The following TANGO2 variants were observed in gnomAD, a reference collection of about 807,000 sequenced individuals.
The protein encoded by TANGO2 is transport and golgi organization 2 homolog.
A neutral mutation model predicts 39.1 loss-of-function variants in TANGO2; 26 were observed. That is an observed-to-expected ratio of 0.67 (90% CI 0.49 to 0.92). The LOEUF is 0.92. TANGO2 is among the 40% of genes least tolerant of loss of function. TANGO2 has a pLI of 0.00. For synonymous variants in TANGO2, 131 were observed against 144.5 expected (o/e 0.91, Z 0.67); for missense variants, 326 against 360.1 (o/e 0.91, Z 0.77).
At position 20,056,204 on chromosome 22, in the gene TANGO2, AC is replaced by A. The variant is rs201125929; in HGVS notation, c.451+196del. 1,424 of 698,982 alleles carry A rather than the reference AC, an allele frequency of 2.0e-3. 14 individuals are homozygous for A. In the African/African-American group the frequency reaches 0.021, roughly 10 times the overall value. The allele number at this position is 698,982 out of a possible 1,614,324, so 43.3% of individuals were successfully genotyped here. A position where few individuals can be genotyped will look rare whatever the true frequency, so the allele number is the denominator to read the frequency against. On this transcript the variant is annotated intron_variant, in intron 6 of 8. Coordinates refer to ENST00000327374, the MANE Select transcript of TANGO2 (RefSeq NM_152906.7). The stretch of plus-strand genomic sequence containing the variant: ...TTCAGAGAGCCCTGGCTCCCTGCTC[AC>A]CCCCTCCCCATGGGCTTTTCCTGCT...
intron 2 of TANGO2, 181 bp downstream of exon 2, chr22:20,037,035 G>A (rs377653281): frequency 6.4e-7 from 1 of 1,559,120 alleles, no homozygotes; most frequent in Non-Finnish European, 8.7e-7. Context: ...TGCCTCTCGG[G>A]GCGGGGACTC....
rs539888853 is a variant in TANGO2, at chr22:20,053,223, T to A, written c.266-214T>A. 9.3e-5 allele frequency: 46 copies of A among 496,584 alleles called. 1 individual carries two copies. The highest frequency in any genetic ancestry group is 1.1e-3 in the Middle Eastern group (2 of 1,796). The allele number at this position is 496,584 out of a possible 1,614,324, so 30.8% of individuals were successfully genotyped here. On this transcript the variant is annotated intron_variant, in intron 4 of 8. Coordinates refer to ENST00000327374, the MANE Select transcript of TANGO2 (RefSeq NM_152906.7). ...CCATAGGAAGACATAGTGGGGAAATTTTTTTTTTAATAAAATGAGCAGTTT... is the reference window on the plus strand; with the variant it reads ...CCATAGGAAGACATAGTGGGGAAATATTTTTTTTAATAAAATGAGCAGTTT...
chr22:20,019,591 C>T (rs926130929), upstream of TANGO2, among the ~76,000 whole-genome samples: 1 of 152,248 alleles, frequency 6.6e-6, no homozygotes, highest in East Asian at 1.9e-4. Flanking sequence ...CATGTTACTG[C>T]ATCCCTCTTT....
At chr22:20,022,421 G>T (rs368942719) in intron 1 of TANGO2, among the ~76,000 whole-genome samples, 18 of 152,168 alleles carry the variant, frequency 1.2e-4, no homozygotes, top group African/African-American at 4.1e-4. Flanking sequence ...AGGGTAGGGT[G>T]CCCTGGTGCC....
At chr22:20,020,668 G>A (rs937420999), upstream of TANGO2, among the ~76,000 whole-genome samples, 2 of 152,084 alleles carry the variant, frequency 1.3e-5, no homozygotes, top group African/African-American at 2.4e-5. Flanking sequence ...AGAGGAAGAT[G>A]GCCAGGTCCA....
intron 2 of TANGO2, among the ~76,000 whole-genome samples, chr22:20,040,546 C>T (rs537982432): frequency 4.6e-4 from 70 of 152,304 alleles, no homozygotes; most frequent in Admixed American, 1.8e-3. Context: ...TGGAGCTTGA[C>T]CCCACCCATA....
intron 1 of TANGO2, among the ~76,000 whole-genome samples, chr22:20,032,333 T>C (rs1445513490): frequency 2.6e-5 from 4 of 152,288 alleles, no homozygotes; most frequent in Admixed American, 2.6e-4. Flanking sequence ...GTGTGCAGGC[T>C]GCCCTGGTGG....
chr22:20,054,065 G>A, intron 5 of TANGO2: 1 of 283,808 alleles, frequency 3.5e-6, no homozygotes, highest in Non-Finnish European at 6.9e-6. Flanking sequence ...CTTCTGCCAG[G>A]ACAGGCAAAC....
chr22:20,024,569 T>C (rs926236057), intron 1 of TANGO2, among the ~76,000 whole-genome samples: 1 of 152,202 alleles, frequency 6.6e-6, no homozygotes, highest in Non-Finnish European at 1.5e-5. Flanking sequence ...GCACCAGCCC[T>C]TGTGGCCATT....
intron 3 of TANGO2, among the ~76,000 whole-genome samples, chr22:20,049,127 A>G (rs983296219): frequency 6.6e-6 from 1 of 152,148 alleles, no homozygotes; most frequent in Admixed American, 6.5e-5. Flanking sequence ...AAGGTTTTGT[A>G]CATGGTGTGA....
intron 1 of TANGO2, among the ~76,000 whole-genome samples, chr22:20,024,440 G>T (rs1041554114): frequency 2.0e-5 from 3 of 152,330 alleles, no homozygotes; most frequent in African/African-American, 7.2e-5. Flanking sequence ...TCACATGTCT[G>T]TGTCTGCCTT....
intron 5 of TANGO2, 36 bp from the exon 6 acceptor site, chr22:20,055,907 G>A (rs751756928): frequency 1.3e-6 from 2 of 1,581,102 alleles, no homozygotes; most frequent in Non-Finnish European, 8.7e-7. Context: ...GACGCCCTAT[G>A]GCTGTAGTCT....
chr22:20,019,205 C>G (rs1157113580), upstream of TANGO2: 1 of 152,260 alleles, frequency 6.6e-6, no homozygotes, highest in African/African-American at 2.4e-5. Flanking sequence ...CTGTGAGGCC[C>G]CCGGAGAAAG....
At chr22:20,023,140 G>T (rs1456184609) in intron 1 of TANGO2, among the ~76,000 whole-genome samples, 8 of 152,204 alleles carry the variant, frequency 5.3e-5, no homozygotes, top group Non-Finnish European at 1.2e-4. Context: ...CATGCTTAAA[G>T]ATAAAAAAGG....
intron 1 of TANGO2, among the ~76,000 whole-genome samples, chr22:20,028,516 G>C (rs774094791): frequency 6.6e-6 from 1 of 152,246 alleles, no homozygotes. Context: ...CCAGCCTCCA[G>C]AGCTGCCAGT....
At chr22:20,036,037 A>G (rs1483368349) in intron 1 of TANGO2, among the ~76,000 whole-genome samples, 1 of 152,178 alleles carries the variant, frequency 6.6e-6, no homozygotes, top group African/African-American at 2.4e-5. Context: ...CCTGCAAAAT[A>G]GCTCATTTTG....
intron 3 of TANGO2, among the ~76,000 whole-genome samples, chr22:20,048,544 G>A (rs886080212): frequency 6.6e-6 from 1 of 151,980 alleles, no homozygotes; most frequent in African/African-American, 2.4e-5. Context: ...TGGAAGTTTT[G>A]TTCTTGTTTT....
intron 2 of TANGO2, chr22:20,037,123 G>C (rs1188754451): frequency 1.3e-6 from 2 of 1,509,094 alleles, no homozygotes; most frequent in African/African-American, 2.8e-5. Flanking sequence ...ATGGGTCCAG[G>C]TGGGCTGCAG....
intron 6 of TANGO2, among the ~76,000 whole-genome samples, chr22:20,060,341 T>G (rs1218504801): frequency 1.1e-5 from 1 of 90,446 alleles, no homozygotes; most frequent in African/African-American, 4.7e-5. Context: ...AGAGTAAGAC[T>G]CCGTCTCAAA....
Sources: gnomAD v4.1 joint callset for allele counts (sites outside exome capture counted in the v4.1 genomes callset) on GRCh38, gnomAD v4.1.1 for gene constraint, MANE v1.5 for transcripts, NCBI Gene and HGNC (gene_info 2026-07-23, HGNC 2026-07-21) for gene names.